Variants in BTBD8 observed in about 807,000 individuals in gnomAD.
The protein encoded by BTBD8 is BTB domain containing 8, also known as BTB/POZ domain-containing protein 8.
In BTBD8, 110 loss-of-function variants were observed where a neutral mutation model predicts 162.9. The observed-to-expected ratio is 0.68, with a 90% CI of 0.58 to 0.79. BTBD8 has a LOEUF of 0.79. Among genes scored for constraint, BTBD8 ranks in the 30% least tolerant of loss-of-function variants. BTBD8 has a pLI of 0.00. For missense variants in BTBD8, 1,905 were observed against 2,085.4 expected (o/e 0.91, Z 1.68); for synonymous variants, 667 against 716.1 (o/e 0.93, Z 1.10).
intron 2 of BTBD8, among the ~76,000 whole-genome samples, chr1:92,100,398 G>A (rs1005522091): frequency 6.6e-6 from 1 of 152,028 alleles, no homozygotes; most frequent in African/African-American, 2.4e-5. Flanking sequence ...AAGGATTGGT[G>A]TTAATTATTA....
intron 9 of BTBD8, among the ~76,000 whole-genome samples, chr1:92,163,153 G>T (rs931469742): frequency 4.0e-5 from 6 of 151,846 alleles, no homozygotes; most frequent in Admixed American, 1.3e-4. Context: ...AGGAGATCGA[G>T]ACCATCCTGG....
intron 5 of BTBD8, among the ~76,000 whole-genome samples, chr1:92,133,742 G>A (rs889028158): frequency 5.3e-5 from 8 of 152,126 alleles, no homozygotes; most frequent in East Asian, 1.9e-4. Context: ...AGGCTGAGGC[G>A]GGCGGATCAC....
At chr1:92,095,318 G>T (rs1436450771) in intron 2 of BTBD8, among the ~76,000 whole-genome samples, 1 of 152,116 alleles carries the variant, frequency 6.6e-6, no homozygotes, top group African/African-American at 2.4e-5. Flanking sequence ...ACCTTGCCTT[G>T]CTTATTTCTT....
intron 4 of BTBD8, among the ~76,000 whole-genome samples, chr1:92,113,898 G>T (rs1648967478): frequency 6.6e-6 from 1 of 151,632 alleles, no homozygotes; most frequent in Non-Finnish European, 1.5e-5. Context: ...TGTAGTCCCA[G>T]TTACTCAGGA....
intron 4 of BTBD8, chr1:92,125,817 A>T (rs1462047003): frequency 7.4e-6 from 3 of 405,814 alleles, no homozygotes; most frequent in African/African-American, 2.1e-5. Context: ...AGAGACAGTG[A>T]TTCTGCAAGG....
intron 7 of BTBD8, among the ~76,000 whole-genome samples, chr1:92,146,196 C>T (rs1436344216): frequency 1.7e-5 from 2 of 116,950 alleles, no homozygotes; most frequent in South Asian, 3.1e-4. Flanking sequence ...GAATAAAAAT[C>T]GTGTGCATTC....
At chr1:92,158,006 T>C (rs1650200063) in intron 9 of BTBD8, among the ~76,000 whole-genome samples, 1 of 152,246 alleles carries the variant, frequency 6.6e-6, no homozygotes, top group Non-Finnish European at 1.5e-5. Flanking sequence ...CTGTGTCTCT[T>C]GTGACAAGTT....
chr1:92,083,872 A>C (rs930398724), intron 1 of BTBD8, among the ~76,000 whole-genome samples: 1 of 152,176 alleles, frequency 6.6e-6, no homozygotes, highest in Non-Finnish European at 1.5e-5. Flanking sequence ...AATGGCCCCA[A>C]ATCTTAGGAC....
intron 4 of BTBD8, among the ~76,000 whole-genome samples, chr1:92,110,565 C>T (rs934651080): frequency 2.6e-5 from 4 of 152,154 alleles, no homozygotes; most frequent in African/African-American, 9.7e-5. Flanking sequence ...CATTATCTTC[C>T]TGCCTGAAAT....
At chr1:92,132,698 C>T (rs1191838585) in intron 5 of BTBD8, among the ~76,000 whole-genome samples, 1 of 152,142 alleles carries the variant, frequency 6.6e-6, no homozygotes, top group Non-Finnish European at 1.5e-5. Context: ...AGTATTTTCC[C>T]TTAACTTTTA....
intron 9 of BTBD8, among the ~76,000 whole-genome samples, chr1:92,160,271 A>G (rs1570750431): frequency 6.6e-6 from 1 of 151,998 alleles, no homozygotes; most frequent in East Asian, 1.9e-4. Context: ...GTCATGCATT[A>G]CTTTCCTGAC....
intron 5 of BTBD8, 115 bp from the exon 6 acceptor site, chr1:92,139,235 C>A (rs963289215): frequency 3.7e-6 from 4 of 1,088,642 alleles, no homozygotes; most frequent in Non-Finnish European, 5.1e-6. Context: ...GTATATTCTT[C>A]AGGTAAAAGG....
chr1:92,150,838 C>G (rs1650028007), intron 9 of BTBD8: 1 of 152,316 alleles, frequency 6.6e-6, no homozygotes, highest in Non-Finnish European at 1.5e-5. Flanking sequence ...TCTACACAGA[C>G]AATGGCCTGG....
At position 92,177,844 on chromosome 1, in the gene BTBD8, A is replaced by G. The variant is rs145766841; in HGVS notation, c.2387A>G (p.Asn796Ser). The G allele has an allele frequency of 6.2e-4, 954 of 1,543,402 alleles. 2 individuals carry two copies. In the African/African-American group the frequency reaches 0.011, roughly 18 times the overall value. ...IKSRPVSRVTNGTSNKKSIHE... is the reference protein window; with the variant it reads ...IKSRPVSRVTSGTSNKKSIHE... ...TCTCGACCTGTTTCAAGAGTTACCA[A>G]TGGAACTTCCAATAAAAAAAGTATT... The change falls in exon 15 of 18, where the codon AAT (asparagine) becomes AGT (serine). Residue 796 changes from asparagine to serine, a missense_variant. Transcript: ENST00000636805.
chr1:92,148,291 C>T (rs1208159033), intron 9 of BTBD8, among the ~76,000 whole-genome samples: 1 of 152,198 alleles, frequency 6.6e-6, no homozygotes, highest in Admixed American at 6.5e-5. Flanking sequence ...AAACCACCAT[C>T]CATGAACTTA....
At chr1:92,155,315 A>G (rs1020380180) in intron 9 of BTBD8, among the ~76,000 whole-genome samples, 14 of 152,086 alleles carry the variant, frequency 9.2e-5, no homozygotes, top group African/African-American at 3.4e-4. Context: ...TTTGATAGAG[A>G]TTGCATTGTA....
chr1:92,118,860 G>C (rs1024317205), intron 4 of BTBD8, among the ~76,000 whole-genome samples: 1 of 108,086 alleles, frequency 9.3e-6, no homozygotes, highest in Non-Finnish European at 1.7e-5. Flanking sequence ...AGCTCTTTCA[G>C]GTGGCTCTTG....
chr1:92,139,593 C>T (rs1649718785), intron 6 of BTBD8, 163 bp downstream of exon 6: 1 of 1,259,288 alleles, frequency 7.9e-7, no homozygotes, highest in Non-Finnish European at 1.0e-6. Flanking sequence ...AGCAAATCAT[C>T]TTATTTAGAA....
chr1:92,149,429 G>GATGGAAGC (rs1235037119), intron 9 of BTBD8, among the ~76,000 whole-genome samples: 3 of 152,186 alleles, frequency 2.0e-5, no homozygotes, highest in Non-Finnish European at 4.4e-5. Context: ...TATCATGTTA[G>GATGGAAGC]ATGGAAGCAT....
Sources: gnomAD v4.1 joint callset for allele counts (sites outside exome capture counted in the v4.1 genomes callset) on GRCh38, gnomAD v4.1.1 for gene constraint, MANE v1.5 for transcripts, NCBI Gene and HGNC (gene_info 2026-07-23, HGNC 2026-07-21) for gene names.